Variants in STON2 observed in about 807,000 individuals in gnomAD.
STON2 encodes the protein stonin-2.
STON2 carries 29 observed loss-of-function variants against 65.7 expected under a neutral mutation model. The ratio of observed to expected loss-of-function variants is 0.44; its 90% CI spans 0.33 to 0.60. The LOEUF (loss-of-function observed/expected upper bound fraction) is 0.60. Among genes scored for constraint, STON2 ranks in the 20% least tolerant of loss-of-function variants. STON2 has a pLI of 0.03. For missense variants in STON2, 1,054 were observed against 1,118.1 expected (o/e 0.94, Z 0.82); for synonymous variants, 404 against 414.2 (o/e 0.98, Z 0.30).
At chr14:81,342,645 G>C (rs1413531501) in intron 4 of STON2, among the ~76,000 whole-genome samples, 3 of 152,130 alleles carry the variant, frequency 2.0e-5, no homozygotes, top group African/African-American at 7.2e-5. Flanking sequence ...TAAGTCTAGG[G>C]GCACACAAGA....
Position 81,263,475 on chromosome 14 carries a change from T to C in STON2, c.*4939A>G, listed in dbSNP as rs1219542642. ...ATCACTTGAACCCGGGAGGCGGAGG[T>C]TGCAGTGAGCCGATGTCGTGCCACT... On this transcript the variant is annotated 3_prime_UTR_variant, in exon 8 of 8. Transcript: ENST00000614646. Among the ~76,000 whole-genome samples the C allele has an allele frequency of 7.0e-6, 1 of 142,306 alleles. No individual in the cohort carries two copies. Among genetic ancestry groups the C allele is most frequent in the East Asian group, 2.0e-4 (1 of 4,910 alleles). 93.4% of individuals were successfully genotyped at this position (142,306 alleles called of 152,430 possible). A position where few individuals can be genotyped will look rare whatever the true frequency, so the allele number is the denominator to read the frequency against.
chr14:81,434,295 T>G (rs1902325844), intron 1 of STON2, among the ~76,000 whole-genome samples: 1 of 152,010 alleles, frequency 6.6e-6, no homozygotes, highest in Non-Finnish European at 1.5e-5. Context: ...GAGGTGGGAG[T>G]CTGGCTCTGA....
chr14:81,273,646 G>A (rs1451315371), intron 6 of STON2, among the ~76,000 whole-genome samples: 5 of 152,128 alleles, frequency 3.3e-5, no homozygotes, highest in Non-Finnish European at 1.5e-5. Flanking sequence ...GCTGGGCCCC[G>A]CCGGCGGGAG....
chr14:81,292,253 ATCATGTTATC>A (rs897339861), intron 5 of STON2, among the ~76,000 whole-genome samples: 20 of 152,222 alleles, frequency 1.3e-4, no homozygotes, highest in Middle Eastern at 3.2e-3. Context: ...AGGGCCAAGG[ATCATGTTATC>A]TCACATCAGA....
intron 5 of STON2, among the ~76,000 whole-genome samples, chr14:81,286,358 T>C (rs1895333226): frequency 6.6e-6 from 1 of 152,164 alleles, no homozygotes; most frequent in Admixed American, 6.5e-5. Context: ...GCAAACATCA[T>C]TGTTGTTTTA....
chr14:81,287,827 C>G (rs1188431711), intron 5 of STON2, among the ~76,000 whole-genome samples: 1 of 152,196 alleles, frequency 6.6e-6, no homozygotes, highest in African/African-American at 2.4e-5. Context: ...CTCTGACAAC[C>G]AACTATGACT....
chr14:81,411,182 T>C (rs1901139450), intron 2 of STON2, among the ~76,000 whole-genome samples: 1 of 152,084 alleles, frequency 6.6e-6, no homozygotes, highest in African/African-American at 2.4e-5. Flanking sequence ...ATTCAACCAG[T>C]TTTCTGGAGC....
chr14:81,281,956 T>G (rs1895142801), intron 5 of STON2, among the ~76,000 whole-genome samples: 1 of 152,214 alleles, frequency 6.6e-6, no homozygotes, highest in Non-Finnish European at 1.5e-5. Context: ...TTGCATGTAT[T>G]TTTAAAACTT....
At chr14:81,344,719 C>T (rs150272200) in intron 4 of STON2, among the ~76,000 whole-genome samples, 27 of 152,130 alleles carry the variant, frequency 1.8e-4, no homozygotes, top group African/African-American at 6.5e-4. Flanking sequence ...CCACAGTTCT[C>T]GCATGCAAAT....
intron 5 of STON2, 36 bp from the exon 6 acceptor site, chr14:81,278,775 A>C: frequency 6.7e-7 from 1 of 1,484,216 alleles, no homozygotes; most frequent in Non-Finnish European, 8.9e-7. Flanking sequence ...GCTACTGTTC[A>C]GGGGCTCTAG....
intron 3 of STON2, among the ~76,000 whole-genome samples, chr14:81,372,780 T>A (rs527997261): frequency 1.3e-5 from 2 of 152,156 alleles, no homozygotes; most frequent in African/African-American, 4.8e-5. Context: ...ATTAAGAAAC[T>A]TGCCCAAGAT....
At position 81,340,140 on chromosome 14, in the gene STON2, C is replaced by T. The variant is rs140434371; in HGVS notation, c.572-15953G>A. ...CCGCACTCCAGCCTGGGCGACAGAG[C>T]GAGACTCCGTCTCAAAATAAATAAA... On this transcript the variant is annotated intron_variant, in intron 4 of 7. Coordinates refer to ENST00000614646, the MANE Select transcript of STON2 (RefSeq NM_001394390.1). Among the ~76,000 whole-genome samples, 1,409 of 152,230 alleles carry T rather than the reference C, an allele frequency of 9.3e-3. 23 individuals carry two copies. Among genetic ancestry groups the T allele is most frequent in the African/African-American group, 0.032 (1,337 of 41,536 alleles).
chr14:81,297,676 G>A (rs1407148940), intron 5 of STON2, among the ~76,000 whole-genome samples: 2 of 152,170 alleles, frequency 1.3e-5, no homozygotes, highest in Admixed American at 1.3e-4. Flanking sequence ...TTCATTTTGA[G>A]GTTTGAGGTT....
intron 3 of STON2, among the ~76,000 whole-genome samples, chr14:81,372,271 C>T (rs1031614631): frequency 2.6e-5 from 4 of 152,016 alleles, no homozygotes; most frequent in Non-Finnish European, 4.4e-5. Context: ...CATATCATTA[C>T]GGCCGGGCAC....
rs1188099007 is a variant in STON2 at position 81,390,214 on chromosome 14, A to C, written c.373+5680T>G. ...ATTTCAAAAAAAAAAAAAAAGAAAA[A>C]CTTAAAAACAGAAAGACAAGTAGTG... On this transcript the variant is annotated intron_variant, in intron 3 of 7. Transcript: ENST00000614646. Among the ~76,000 whole-genome samples, 5 of 151,878 alleles carry C rather than the reference A, an allele frequency of 3.3e-5. No individual in the cohort carries two copies. In the East Asian group the frequency reaches 7.8e-4, roughly 24 times the overall value.
Position 81,395,989 on chromosome 14 carries a change from G to A in STON2, c.278C>T (p.Pro93Leu), listed in dbSNP as rs1481972575. 4 of 1,614,122 alleles carry A rather than the reference G, an allele frequency of 2.5e-6. No homozygotes were observed. Among genetic ancestry groups the A allele is most frequent in the Middle Eastern group, 3.3e-4 (2 of 6,084 alleles). ...SPPGSPEQPP[P>L]DLASAISNWV... ...GTTGCTGATGGCCGAGGCCAGGTCAGGTGGGGGCTGCTCAGGGCTCCCAGG... is the reference window on the plus strand; with the variant it reads ...GTTGCTGATGGCCGAGGCCAGGTCAAGTGGGGGCTGCTCAGGGCTCCCAGG... Residue 93 changes from proline to leucine, a missense_variant, in exon 3 of 8, where the codon CCT (proline) becomes CTT (leucine). By Grantham distance (98) the Pro-to-Leu change is moderately conservative (BLOSUM62 -3). Coordinates refer to ENST00000614646, the MANE Select transcript of STON2 (RefSeq NM_001394390.1).
chr14:81,378,683 T>C (rs1253209133), intron 3 of STON2, among the ~76,000 whole-genome samples: 9 of 152,270 alleles, frequency 5.9e-5, no homozygotes, highest in Non-Finnish European at 8.8e-5. Flanking sequence ...ATAGCTATTC[T>C]GTATACAACA....
chr14:81,298,427 T>A (rs1595311098), intron 5 of STON2, among the ~76,000 whole-genome samples: 1 of 130,470 alleles, frequency 7.7e-6, no homozygotes. Flanking sequence ...GGGGGGGGAA[T>A]CACAGAATTT....
In STON2 at chr14:81,371,109, GCT is replaced by G; in HGVS notation, c.448_449del (p.Ser150GlnfsTer7). The G allele has an allele frequency of 6.2e-7, 1 of 1,614,126 alleles. No individual in the cohort carries two copies. The highest frequency in any genetic ancestry group is 2.2e-5 in the East Asian group (1 of 44,886). On this transcript the variant is annotated frameshift_variant, in exon 4 of 8. Transcript: ENST00000614646. LOFTEE classifies it high-confidence loss of function. ...SLGRCPLTSESSWTTHSEDTS... is the reference protein window; with the variant it reads ...SLGRCPLTSEXSWTTHSEDTS... ...TGTCTTCAGAATGGGTGGTCCAGCT[GCT>G]CTCAGAAGTCAGAGGGCATCTCCCC...
Sources: gnomAD v4.1 joint callset for allele counts (sites outside exome capture counted in the v4.1 genomes callset) on GRCh38, gnomAD v4.1.1 for gene constraint, MANE v1.5 for transcripts, NCBI Gene and HGNC (gene_info 2026-07-23, HGNC 2026-07-21) for gene names.